Variants in PDE8B observed in about 807,000 individuals in gnomAD.
PDE8B encodes the protein high affinity cAMP-specific and IBMX-insensitive 3',5'-cyclic phosphodiesterase 8B.
In PDE8B, 26 loss-of-function variants were observed where a neutral mutation model predicts 101.3. The observed-to-expected ratio is 0.26, with a 90% CI of 0.19 to 0.36. The LOEUF is 0.36. PDE8B is among the 10% of genes least tolerant of loss of function. The pLI, the probability that PDE8B is intolerant of heterozygous loss-of-function variation, is 1.00. For synonymous variants in PDE8B, 424 were observed against 429.3 expected (o/e 0.99, Z 0.15); for missense variants, 810 against 1,163.1 (o/e 0.70, Z 4.42).
At chr5:77,423,649 T>G (rs951545204) in intron 20 of PDE8B, among the ~76,000 whole-genome samples, 3 of 132,168 alleles carry the variant, frequency 2.3e-5, no homozygotes, top group East Asian at 2.1e-4. Flanking sequence ...TTTTTTTTTT[T>G]TTTTTTTTTT....
At chr5:77,378,048 A>ACACACACACC (rs1347483439) in intron 10 of PDE8B, among the ~76,000 whole-genome samples, 38 of 93,952 alleles carry the variant, frequency 4.0e-4, no homozygotes, top group Middle Eastern at 0.016. Flanking sequence ...ACACACACAC[A>ACACACACACC]CCCCCTGTTG....
At chr5:77,274,237 T>A (rs1763381545) in intron 1 of PDE8B, among the ~76,000 whole-genome samples, 1 of 152,142 alleles carries the variant, frequency 6.6e-6, no homozygotes, top group African/African-American at 2.4e-5. Flanking sequence ...AAAATCCCTA[T>A]GAGGTAGGGA....
chr5:77,126,362 A>T, the PDE8B span, among the ~76,000 whole-genome samples: 4 of 152,102 alleles, frequency 2.6e-5, no homozygotes, highest in African/African-American at 9.7e-5. Context: ...TTTGAGGAGG[A>T]TGACAAAAAT....
At chr5:77,373,363 G>A (rs961333235) in intron 10 of PDE8B, among the ~76,000 whole-genome samples, 9 of 152,044 alleles carry the variant, frequency 5.9e-5, no homozygotes, top group African/African-American at 1.7e-4. Context: ...TAAACTGCAC[G>A]TATTTAAAGC....
chr5:77,158,727 T>G, the PDE8B span, among the ~76,000 whole-genome samples: 1 of 152,230 alleles, frequency 6.6e-6, no homozygotes, highest in Admixed American at 6.5e-5. Context: ...GGACTCCAGG[T>G]TTTCCTCTGG....
intron 2 of PDE8B, among the ~76,000 whole-genome samples, chr5:77,315,981 T>G (rs901449544): frequency 2.7e-5 from 4 of 150,888 alleles, no homozygotes; most frequent in Admixed American, 6.6e-5. Flanking sequence ...CATATTGGGG[T>G]TTTTTTTTCA....
intron 1 of PDE8B, among the ~76,000 whole-genome samples, chr5:77,274,922 G>A (rs1763543299): frequency 6.6e-6 from 1 of 152,088 alleles, no homozygotes; most frequent in African/African-American, 2.4e-5. Flanking sequence ...AAGAGAAAGA[G>A]ATTTTGTTGA....
the PDE8B span, among the ~76,000 whole-genome samples, chr5:77,152,931 C>G: frequency 1.3e-5 from 2 of 152,200 alleles, no homozygotes; most frequent in Non-Finnish European, 2.9e-5. Flanking sequence ...AGTGCCTACA[C>G]GTCTGAGTCC....
the PDE8B span, among the ~76,000 whole-genome samples, chr5:77,097,466 G>C: frequency 6.6e-6 from 1 of 151,438 alleles, no homozygotes; most frequent in Non-Finnish European, 1.5e-5. Context: ...ACACAATATG[G>C]ATTGAAGTTT....
In PDE8B at chr5:77,400,374, T is replaced by G. The variant is rs528029569; in HGVS notation, c.1210+84T>G. The G allele has an allele frequency of 3.3e-6, 3 of 906,038 alleles. No individual in the cohort carries two copies. In the Admixed American group the frequency reaches 5.2e-5, roughly 16 times the overall value. The allele number at this position is 906,038 out of a possible 1,614,324, so 56.1% of individuals were successfully genotyped here. Reference sequence around the variant, plus strand: ...ATACATTTCTCTGAAGAAGTCTAAGTTGACATCTACTACCCCAGAATGTGG... The same window carrying G: ...ATACATTTCTCTGAAGAAGTCTAAGGTGACATCTACTACCCCAGAATGTGG... On this transcript the variant is annotated intron_variant, in intron 11 of 21. Transcript: ENST00000264917.
the PDE8B span, chr5:77,131,264 A>G: frequency 1.3e-5 from 2 of 152,234 alleles, no homozygotes; most frequent in African/African-American, 4.8e-5. Flanking sequence ...GACAAAGAGA[A>G]CATTGTGTAT....
intron 10 of PDE8B, among the ~76,000 whole-genome samples, chr5:77,395,108 A>AT (rs1229911597): frequency 6.6e-6 from 1 of 151,906 alleles, no homozygotes; most frequent in African/African-American, 2.4e-5. Flanking sequence ...AACCCTATCA[A>AT]TTTCCAATTC....
intron 1 of PDE8B, among the ~76,000 whole-genome samples, chr5:77,270,502 G>A (rs186358394): frequency 2.3e-4 from 35 of 152,094 alleles, no homozygotes; most frequent in East Asian, 1.7e-3. Flanking sequence ...CCCTCTTACC[G>A]TTCACTTCTG....
chr5:77,166,182 T>G, the PDE8B span, among the ~76,000 whole-genome samples: 1 of 148,022 alleles, frequency 6.8e-6, no homozygotes, highest in Non-Finnish European at 1.5e-5. Flanking sequence ...CCTGGCATAG[T>G]TCTTGAAGAA....
chr5:77,288,917 C>T (rs1409599132), intron 1 of PDE8B, among the ~76,000 whole-genome samples: 3 of 149,816 alleles, frequency 2.0e-5, no homozygotes, highest in African/African-American at 7.4e-5. Flanking sequence ...TCTCAGTGCT[C>T]AGTGGTCCAA....
At chr5:77,101,058 C>A in the PDE8B span, among the ~76,000 whole-genome samples, 1 of 149,766 alleles carries the variant, frequency 6.7e-6, no homozygotes, top group Admixed American at 6.6e-5. Context: ...CAGCCTCATC[C>A]TCCTGGGCTC....
At chr5:77,295,860 T>A (rs983434598) in intron 1 of PDE8B, among the ~76,000 whole-genome samples, 2 of 152,264 alleles carry the variant, frequency 1.3e-5, no homozygotes, top group African/African-American at 4.8e-5. Flanking sequence ...CTGCTTTCCA[T>A]GGTGTTGCTT....
At chr5:77,183,918 C>T in the PDE8B span, among the ~76,000 whole-genome samples, 1 of 151,730 alleles carries the variant, frequency 6.6e-6, no homozygotes, top group Non-Finnish European at 1.5e-5. Context: ...GAATCTGTTC[C>T]TAGGGGTGGA....
At chr5:77,099,173 T>C in the PDE8B span, among the ~76,000 whole-genome samples, 7 of 152,236 alleles carry the variant, frequency 4.6e-5, no homozygotes, top group African/African-American at 1.7e-4. Context: ...TGTAATTATA[T>C]ATGTGAAGTC....
Sources: allele counts gnomAD v4.1 joint callset (sites outside exome capture counted in the v4.1 genomes callset), GRCh38; gene constraint gnomAD v4.1.1; transcripts MANE v1.5; gene names NCBI Gene and HGNC (gene_info 2026-07-23, HGNC 2026-07-21).